PLCG2: variants seen among roughly 807,000 people sequenced by gnomAD.
PLCG2 encodes the protein 1-phosphatidylinositol 4,5-bisphosphate phosphodiesterase gamma-2.
A neutral mutation model predicts 175.6 loss-of-function variants in PLCG2; 69 were observed. That is an observed-to-expected ratio of 0.39 (90% CI 0.32 to 0.48). The LOEUF (loss-of-function observed/expected upper bound fraction) is 0.48. PLCG2 is among the 20% of genes least tolerant of loss of function. The pLI, the probability that PLCG2 is intolerant of heterozygous loss-of-function variation, is 0.91. For synonymous variants in PLCG2, 827 were observed against 624.0 expected (o/e 1.33, Z -4.85); for missense variants, 1,798 against 1,650.9 (o/e 1.09, Z -1.54).
rs78410527 is a variant in PLCG2 at position 81,773,385 on chromosome 16, C to G, written c.-47-12558C>G. On this transcript the variant is annotated intron_variant, in intron 2 of 5. Transcript: ENST00000565054. ...AATACGTCCTAGTGGAGACTCCAGA[C>G]ATGAGAACGAGGGGCTTTTGTCTTC... Among the ~76,000 whole-genome samples the G allele has an allele frequency of 2.6e-5, 4 of 152,162 alleles. No individual in the cohort carries two copies. The South Asian group carries it at 6.2e-4, about 24-fold the overall frequency.
At chr16:81,828,684 C>T (rs1351604480) in intron 2 of PLCG2, among the ~76,000 whole-genome samples, 4 of 152,142 alleles carry the variant, frequency 2.6e-5, no homozygotes, top group African/African-American at 4.8e-5. Flanking sequence ...TTATAAAAGT[C>T]GTCTGAGACT....
chr16:81,741,356 A>G (rs1383499840), intron 1 of PLCG2, among the ~76,000 whole-genome samples: 1 of 152,222 alleles, frequency 6.6e-6, no homozygotes, highest in Non-Finnish European at 1.5e-5. Flanking sequence ...AATCGCTTCT[A>G]TTTGAACCCA....
chr16:81,804,707 C>T (rs1001802978), intron 2 of PLCG2, among the ~76,000 whole-genome samples: 1 of 152,200 alleles, frequency 6.6e-6, no homozygotes, highest in Non-Finnish European at 1.5e-5. Context: ...ATTTGGTGAC[C>T]GTTTTCCCAG....
At chr16:81,779,243 CG>C (rs942678417), upstream of PLCG2, 2 of 150,984 alleles carry the variant, frequency 1.3e-5, no homozygotes, top group Non-Finnish European at 1.5e-5. Flanking sequence ...CTGGGCGGTG[CG>C]GGGGGCGGCC....
Position 81,807,317 on chromosome 16 carries a change from G to A in PLCG2, c.193+21135G>A, listed in dbSNP as rs531401234. ...TCTGCAGGCTTGAGGGATTGGGGCA[G>A]TGTGCATCTCTGCGAGGAGGGCACT... On this transcript the variant is annotated intron_variant, in intron 2 of 32. Transcript: ENST00000564138. 7.2e-5 allele frequency among the ~76,000 whole-genome samples: 11 copies of A among 152,312 alleles called. 1 individual carries two copies. The South Asian group carries it at 2.1e-3, about 29-fold the overall frequency.
At chr16:81,860,624 T>G (rs532602469) in intron 5 of PLCG2, among the ~76,000 whole-genome samples, 1 of 152,276 alleles carries the variant, frequency 6.6e-6, no homozygotes, top group African/African-American at 2.4e-5. Flanking sequence ...TTGAGCATTT[T>G]TAATTCATTA....
intron 2 of PLCG2, among the ~76,000 whole-genome samples, chr16:81,823,390 C>G (rs1032530767): frequency 2.6e-5 from 4 of 152,232 alleles, no homozygotes; most frequent in Non-Finnish European, 5.9e-5. Context: ...CCCTGAAATG[C>G]TGCTCCCCAC....
intron 29 of PLCG2, 35 bp downstream of exon 29, chr16:81,938,950 C>T (rs573242301): frequency 1.4e-5 from 18 of 1,244,756 alleles, no homozygotes; most frequent in South Asian, 3.7e-5. Flanking sequence ...TGCTTTTAAA[C>T]GTCCGGCCAG....
intron 27 of PLCG2, 153 bp from the exon 28 acceptor site, chr16:81,937,605 C>G (rs751158120): frequency 1.8e-6 from 1 of 560,092 alleles, no homozygotes; most frequent in African/African-American, 1.9e-5. Context: ...GTCTAGAAAC[C>G]CTATATTTTC....
intron 1 of PLCG2, among the ~76,000 whole-genome samples, chr16:81,748,456 G>A (rs186221847): frequency 1.9e-3 from 293 of 152,038 alleles, no homozygotes; most frequent in Non-Finnish European, 3.5e-3. Flanking sequence ...GCAGAATGCT[G>A]CATTTTTGTG....
At chr16:81,936,440 G>T in intron 27 of PLCG2, 62 bp downstream of exon 27, 4 of 1,357,464 alleles carry the variant, frequency 2.9e-6, no homozygotes, top group Non-Finnish European at 4.2e-6. Context: ...ACTCCAGGCC[G>T]AGTCACCTTG....
rs769887285 is a variant in PLCG2, at chr16:81,910,639, G to A, written c.1853G>A (p.Arg618His). 9 of 1,613,952 alleles carry A rather than the reference G, an allele frequency of 5.6e-6. No individual in the cohort carries two copies. The highest frequency in any genetic ancestry group is 1.7e-5 in the Admixed American group (1 of 60,034). Residue 618 changes from arginine to histidine, a missense_variant, in exon 18 of 33, where the codon CGC becomes CAC. Arg to His is a conservative substitution (Grantham distance 29, BLOSUM62 0). Coordinates refer to ENST00000564138, the MANE Select transcript of PLCG2 (RefSeq NM_002661.5). ...ATCTATGCCCTCATCCAGCACTACC[G>A]CGAGACGCACCTGCGCTGCGCCGAG... ...SSIYALIQHYRETHLRCAEFE... is the reference protein window; with the variant it reads ...SSIYALIQHYHETHLRCAEFE...
chr16:81,905,487 A>T lies in PLCG2; in HGVS notation c.1447A>T (p.Met483Leu). 1.2e-6 allele frequency: 2 copies of T among 1,613,968 alleles called. No homozygotes were observed. Among genetic ancestry groups the T allele is most frequent in the Middle Eastern group, 1.6e-4 (1 of 6,062 alleles). ...DEHKQQGELY[M>L]WDSIDQKWTR... ...ACACAAGCAACAGGGGGAGCTGTAC[A>T]TGTGGGATTCCATTGACCAGGTGGG... Residue 483 changes from methionine (M) to leucine (L), a missense_variant, in exon 15 of 33, where the codon ATG becomes TTG. By Grantham distance (15) the Met-to-Leu change is conservative. Coordinates refer to ENST00000564138, the MANE Select transcript of PLCG2 (RefSeq NM_002661.5).
intron 2 of PLCG2, among the ~76,000 whole-genome samples, chr16:81,769,164 A>G (rs1474476199): frequency 6.6e-6 from 1 of 152,174 alleles, no homozygotes; most frequent in Non-Finnish European, 1.5e-5. Flanking sequence ...GCTCCCCCAC[A>G]AAGGAACTCA....
At position 81,961,424 on chromosome 16, in the gene PLCG2, G is replaced by C. The variant is rs1911772886; in HGVS notation, c.*3426G>C. ...ATGTTTAATAATTTAGTGAAATTTGGGCTATGTGTTTATTGATTCAGCTCA... is the reference window on the plus strand; with the variant it reads ...ATGTTTAATAATTTAGTGAAATTTGCGCTATGTGTTTATTGATTCAGCTCA... On this transcript the variant is annotated 3_prime_UTR_variant, in exon 33 of 33. Transcript: ENST00000564138. 4.4e-6 allele frequency: 1 copy of C among 226,456 alleles called. No homozygotes were observed. The highest frequency in any genetic ancestry group is 2.2e-5 in the African/African-American group (1 of 44,950). The allele number at this position is 226,456 out of a possible 1,614,324, so 14.0% of individuals were successfully genotyped here. A position where few individuals can be genotyped will look rare whatever the true frequency, so the allele number is the denominator to read the frequency against.
At chr16:81,862,528 T>C (rs1014229026) in intron 5 of PLCG2, among the ~76,000 whole-genome samples, 1 of 152,214 alleles carries the variant, frequency 6.6e-6, no homozygotes, top group Non-Finnish European at 1.5e-5. Flanking sequence ...TTTGCAGACT[T>C]ACTTTCCCCA....
Position 81,919,474 on chromosome 16 carries a change from C to T in PLCG2, c.2055-10C>T, listed in dbSNP as rs747616797. On this transcript the variant is annotated splice_polypyrimidine_tract_variant and intron_variant, in intron 19 of 32. Transcript: ENST00000564138. The stretch of plus-strand genomic sequence containing the variant: ...CTTGGCATGTCAACCCTGTGTTCTT[C>T]CTGCTCCAGGGCTAGGGGCAAGGTA... 1 of 1,610,006 alleles carries T rather than the reference C, an allele frequency of 6.2e-7. No individual in the cohort carries two copies. The highest frequency in any genetic ancestry group is 8.5e-7 in the Non-Finnish European group (1 of 1,177,038).
At chr16:81,803,096 T>C (rs1402635448) in intron 2 of PLCG2, among the ~76,000 whole-genome samples, 1 of 151,046 alleles carries the variant, frequency 6.6e-6, no homozygotes, top group Non-Finnish European at 1.5e-5. Flanking sequence ...TCACAATACA[T>C]GGCTTTTTGC....
intron 2 of PLCG2, among the ~76,000 whole-genome samples, chr16:81,774,233 C>T (rs1263162089): frequency 6.7e-6 from 1 of 149,450 alleles, no homozygotes; most frequent in Non-Finnish European, 1.5e-5. Context: ...GCCTGTAGTC[C>T]CAACTACTCA....
Sources: gnomAD v4.1 joint callset for allele counts (sites outside exome capture counted in the v4.1 genomes callset) on GRCh38, gnomAD v4.1.1 for gene constraint, MANE v1.5 for transcripts, NCBI Gene and HGNC (gene_info 2026-07-23, HGNC 2026-07-21) for gene names.